Variants in TANC2 observed in about 807,000 individuals in gnomAD.
The protein encoded by TANC2 is protein TANC2.
TANC2 carries 26 observed loss-of-function variants against 210.5 expected under a neutral mutation model. The ratio of observed to expected loss-of-function variants is 0.12; its 90% confidence interval spans 0.09 to 0.17. TANC2 has a LOEUF of 0.17. Ranked by LOEUF, TANC2 falls within the 10% of genes least tolerant of loss-of-function variation. The probability of loss-of-function intolerance (pLI) is 1.00; values close to 1 mark genes in which losing one functional copy is unlikely to be tolerated. For synonymous variants in TANC2, 931 were observed against 967.1 expected (o/e 0.96, Z 0.69); for missense variants, 2,129 against 2,608.9 (o/e 0.82, Z 4.01).
At chr17:63,039,239 G>A (rs1009085860) in intron 2 of TANC2, among the ~76,000 whole-genome samples, 4 of 152,090 alleles carry the variant, frequency 2.6e-5, no homozygotes, top group Non-Finnish European at 2.9e-5. Flanking sequence ...TTTTAGAAAT[G>A]TTAGAAATAC....
At chr17:63,248,542 T>C (rs908204445) in intron 8 of TANC2, among the ~76,000 whole-genome samples, 2 of 152,130 alleles carry the variant, frequency 1.3e-5, no homozygotes, top group African/African-American at 4.8e-5. Flanking sequence ...TTGAGTAACT[T>C]TTAAAAACCT....
chr17:63,313,957 C>T (rs2045219137), intron 9 of TANC2, among the ~76,000 whole-genome samples: 1 of 152,196 alleles, frequency 6.6e-6, no homozygotes, highest in African/African-American at 2.4e-5. Flanking sequence ...CCGCCACAGC[C>T]TGGCCTTTCC....
intron 9 of TANC2, chr17:63,305,610 A>T (rs1300880810): frequency 6.6e-6 from 1 of 152,218 alleles, no homozygotes; most frequent in African/African-American, 2.4e-5. Context: ...AAGAGTTTGC[A>T]ATCTGGTTGG....
intron 1 of TANC2, among the ~76,000 whole-genome samples, chr17:62,980,552 T>C (rs1489530871): frequency 6.6e-6 from 1 of 152,188 alleles, no homozygotes; most frequent in African/African-American, 2.4e-5. Context: ...GGGTAAAGAA[T>C]ACTTAACATG....
In TANC2 at chr17:63,421,247, C is replaced by T. The variant is rs1386591955; in HGVS notation, c.5517C>T (p.Ile1839=). The stretch of plus-strand genomic sequence containing the variant: ...TGTCGCATTTAATCAGAAGACCTAT[C>T]AGTGTCAACCCTAACGAAATCAAAC... Residue 1839 remains isoleucine (I), a synonymous_variant, in exon 28 of 28, where the codon ATC becomes ATT. Coordinates refer to ENST00000689528, the Ensembl canonical transcript of TANC2. This position sits in a 1 kb window ranked among gnomAD's most constrained non-coding sequence, Gnocchi z 6.9. 2 of 1,613,924 alleles carry T rather than the reference C, an allele frequency of 1.2e-6. No individual in the cohort carries two copies. The highest frequency in any genetic ancestry group is 1.3e-5 in the African/African-American group (1 of 74,934).
intron 5 of TANC2, among the ~76,000 whole-genome samples, chr17:63,180,441 A>G (rs1264133249): frequency 6.6e-6 from 1 of 152,344 alleles, no homozygotes; most frequent in East Asian, 1.9e-4. Context: ...GGGAAGGATG[A>G]TAGAGTTGAT....
At chr17:62,995,547 A>G (rs1280166664) in intron 1 of TANC2, among the ~76,000 whole-genome samples, 1 of 152,196 alleles carries the variant, frequency 6.6e-6, no homozygotes, top group Non-Finnish European at 1.5e-5. Flanking sequence ...TGCTGTATGA[A>G]AGAGCTTTGA....
At chr17:63,231,085 C>A (rs1598657344) in intron 7 of TANC2, among the ~76,000 whole-genome samples, 1 of 152,148 alleles carries the variant, frequency 6.6e-6, no homozygotes, top group East Asian at 1.9e-4. Context: ...ACTAGGATTG[C>A]AACCCCTGCT....
chr17:63,203,101 A>G (rs917076202), intron 7 of TANC2, among the ~76,000 whole-genome samples: 1 of 152,144 alleles, frequency 6.6e-6, no homozygotes, highest in South Asian at 2.1e-4. Flanking sequence ...ATTTAACTTC[A>G]TGAAATACTC....
intron 7 of TANC2, among the ~76,000 whole-genome samples, chr17:63,215,451 G>A (rs2041999743): frequency 6.6e-6 from 1 of 152,170 alleles, no homozygotes; most frequent in East Asian, 1.9e-4. Flanking sequence ...CTTCAGGATA[G>A]GGAATGGTCA....
At chr17:63,219,718 G>GT (rs1264146950) in intron 7 of TANC2, among the ~76,000 whole-genome samples, 2 of 151,842 alleles carry the variant, frequency 1.3e-5, no homozygotes, top group Non-Finnish European at 2.9e-5. Flanking sequence ...GCCCACCATG[G>GT]TTTTTAGTAT....
At chr17:63,377,005 T>C (rs2047447003) in intron 14 of TANC2, among the ~76,000 whole-genome samples, 1 of 152,088 alleles carries the variant, frequency 6.6e-6, no homozygotes, top group Non-Finnish European at 1.5e-5. Context: ...TTTTACAAAA[T>C]GAGGCTTGGG....
chr17:63,395,852 A>G lies in TANC2; in HGVS notation c.3161A>G (p.Gln1054Arg), dbSNP rs367676849. The G allele has an allele frequency of 8.1e-6, 13 of 1,611,754 alleles. No homozygotes were observed. Among genetic ancestry groups the G allele is most frequent in the Middle Eastern group, 1.6e-4 (1 of 6,084 alleles). The change falls in exon 18 of 28, where the codon CAG (glutamine) becomes CGG (arginine). Residue 1054 changes from glutamine to arginine, a missense_variant. Around this residue, in one of 5 missense-constraint regions of TANC2, gnomAD observed 644 missense variants for 937.5 expected, o/e 0.69. Transcript: ENST00000689528. ...CAGTGTGACTGGACGATGGCCGGCC[A>G]GCAGCAAGGAGTATTTAAGAAGAGC...
intron 1 of TANC2, among the ~76,000 whole-genome samples, chr17:62,977,960 C>G (rs902718660): frequency 1.3e-5 from 2 of 152,186 alleles, no homozygotes; most frequent in African/African-American, 4.8e-5. Flanking sequence ...TTATTTATTG[C>G]TTAGTAACAT....
At chr17:62,969,683 G>A (rs1008018548) in intron 1 of TANC2, among the ~76,000 whole-genome samples, 1 of 140,310 alleles carries the variant, frequency 7.1e-6, no homozygotes, top group African/African-American at 3.0e-5. Flanking sequence ...ATTTCAAGTA[G>A]TTTAATATAG....
At chr17:63,221,165 C>T (rs987611311) in intron 7 of TANC2, among the ~76,000 whole-genome samples, 5 of 151,998 alleles carry the variant, frequency 3.3e-5, no homozygotes, top group Admixed American at 6.6e-5. Flanking sequence ...AGGCCTGGCA[C>T]GGTGGCTCAA....
rs531587147 is a variant in TANC2 at position 63,086,829 on chromosome 17, C to A, written c.140-12346C>A. Among the ~76,000 whole-genome samples, 17 of 143,882 alleles carry A rather than the reference C, an allele frequency of 1.2e-4. No individual in the cohort carries two copies. The South Asian group carries it at 3.8e-3, about 32-fold the overall frequency. 94.4% of individuals were successfully genotyped at this position (143,882 alleles called of 152,430 possible). The stretch of plus-strand genomic sequence containing the variant: ...TGCACCAATCAGTGCTCTGTAAAAA[C>A]ACACCAATCAGCGCTCTGTAGCTAG... On this transcript the variant is annotated intron_variant, in intron 3 of 27. Coordinates refer to ENST00000689528, the Ensembl canonical transcript of TANC2.
chr17:63,305,036 T>C (rs1416772885), intron 9 of TANC2, among the ~76,000 whole-genome samples: 1 of 152,218 alleles, frequency 6.6e-6, no homozygotes, highest in African/African-American at 2.4e-5. Flanking sequence ...TGTTCGCTGT[T>C]GCCCCTTCCC....
rs981722585 is a variant in TANC2, at chr17:63,421,871, G to T, written c.6141G>T (p.Leu2047=). Reference sequence around the variant, plus strand: ...TGGCTCAGGCATACCAGGACAACCTGTACAGGCAGCTGTCCCGAGACTCTC... The same window carrying T: ...TGGCTCAGGCATACCAGGACAACCTTTACAGGCAGCTGTCCCGAGACTCTC... Residue 2047 remains leucine (L), a synonymous_variant, in exon 28 of 28, where the codon CTG becomes CTT. Coordinates refer to ENST00000689528, the Ensembl canonical transcript of TANC2. This position sits in a 1 kb window ranked among gnomAD's most constrained non-coding sequence, Gnocchi z 6.9. 5 of 1,614,038 alleles carry T rather than the reference G, an allele frequency of 3.1e-6. No individual in the cohort carries two copies. Among genetic ancestry groups the T allele is most frequent in the Non-Finnish European group, 4.2e-6 (5 of 1,179,902 alleles).
Sources: gnomAD v4.1 joint callset for allele counts (sites outside exome capture counted in the v4.1 genomes callset) on GRCh38, gnomAD v4.1.1 for gene constraint, gnomAD v4.1.1 regional missense constraint, Gnocchi (gnomAD v3.1) non-coding constraint, MANE v1.5 for transcripts, NCBI Gene and HGNC (gene_info 2026-07-23, HGNC 2026-07-21) for gene names.